IL7: variants seen among roughly 807,000 people sequenced by gnomAD.
IL7 encodes interleukin 7, also known as interleukin-7.
IL7 carries 3 observed loss-of-function variants against 21.6 expected under a neutral mutation model. That is an observed-to-expected ratio of 0.14 (90% confidence interval 0.06 to 0.36). The LOEUF is 0.36. IL7 is among the 10% of genes least tolerant of loss of function. IL7 has a pLI of 1.00. For synonymous variants in IL7, 62 were observed against 68.1 expected, an observed-to-expected ratio of 0.91 and a Z score of 0.44; for missense variants, 175 against 200.2, an observed-to-expected ratio of 0.87 and a Z score of 0.76.
intron 3 of IL7, among the ~76,000 whole-genome samples, chr8:78,704,536 C>CT (rs1810710183): frequency 1.3e-5 from 2 of 151,934 alleles, no homozygotes; most frequent in Admixed American, 1.3e-4. Flanking sequence ...AACATTTCTT[C>CT]TTTCATTTCA....
At chr8:78,715,646 TG>T (rs547972758), downstream of IL7, among the ~76,000 whole-genome samples, 44 of 152,122 alleles carry the variant, frequency 2.9e-4, no homozygotes, top group Non-Finnish European at 5.1e-4. Context: ...AAGACTTCAG[TG>T]GAGGAGGTAA....
At chr8:78,692,038 A>T (rs2130515138) in intron 3 of IL7, among the ~76,000 whole-genome samples, 1 of 152,316 alleles carries the variant, frequency 6.6e-6, no homozygotes, top group Admixed American at 6.5e-5. Flanking sequence ...TTTTTGTGGT[A>T]AGAACATTTG....
chr8:78,764,715 T>C (rs1186613500), intron 2 of IL7, among the ~76,000 whole-genome samples: 1 of 152,026 alleles, frequency 6.6e-6, no homozygotes, highest in Non-Finnish European at 1.5e-5. Context: ...TTCCAGGTCA[T>C]GGGTAGAAAG....
At chr8:78,706,987 T>A (rs1325074520) in intron 3 of IL7, among the ~76,000 whole-genome samples, 1 of 152,216 alleles carries the variant, frequency 6.6e-6, no homozygotes, top group African/African-American at 2.4e-5. Flanking sequence ...AGTTTATCAG[T>A]AGATCAGGTA....
chr8:78,783,282 A>G (rs1813401848), intron 2 of IL7, among the ~76,000 whole-genome samples: 1 of 152,196 alleles, frequency 6.6e-6, no homozygotes, highest in Non-Finnish European at 1.5e-5. Flanking sequence ...GCACCCATCC[A>G]CGGAAAAATA....
At chr8:78,703,340 T>C (rs1467412675) in intron 3 of IL7, among the ~76,000 whole-genome samples, 1 of 152,216 alleles carries the variant, frequency 6.6e-6, no homozygotes, top group Non-Finnish European at 1.5e-5. Flanking sequence ...GTTAATTATC[T>C]GTCTTGATAA....
chr8:78,749,527 A>G (rs532014311), intron 2 of IL7, among the ~76,000 whole-genome samples: 1 of 152,314 alleles, frequency 6.6e-6, no homozygotes, highest in East Asian at 1.9e-4. Flanking sequence ...AACTTACTGA[A>G]GCAGAGATCC....
chr8:78,698,050 T>G (rs914064729), intron 3 of IL7, among the ~76,000 whole-genome samples: 1 of 152,180 alleles, frequency 6.6e-6, no homozygotes, highest in Non-Finnish European at 1.5e-5. Flanking sequence ...CTGTTCAGAA[T>G]AGTCAGCCCA....
At chr8:78,778,168 C>A (rs1029987986) in intron 2 of IL7, among the ~76,000 whole-genome samples, 1 of 152,084 alleles carries the variant, frequency 6.6e-6, no homozygotes, top group Admixed American at 6.6e-5. Context: ...GTAAACTGGT[C>A]TTTTTTATAC....
chr8:78,762,352 C>A (rs1356103957), intron 2 of IL7: 39 of 1,612,526 alleles, frequency 2.4e-5, no homozygotes, highest in Non-Finnish European at 3.2e-5. Context: ...CAGGGTCCCG[C>A]GGGAAGCTGA....
chr8:78,803,972 T>TC (rs1814191101), intron 1 of IL7, among the ~76,000 whole-genome samples: 1 of 151,984 alleles, frequency 6.6e-6, no homozygotes, highest in Non-Finnish European at 1.5e-5. Flanking sequence ...TCCCGCACCC[T>TC]CCCCCCAGCT....
chr8:78,678,060 G>A (rs1809640385), intron 4 of IL7, among the ~76,000 whole-genome samples: 1 of 152,078 alleles, frequency 6.6e-6, no homozygotes, highest in African/African-American at 2.4e-5. Flanking sequence ...GGTCACTCTC[G>A]TCACCATTTT....
chr8:78,705,309 C>G (rs1810736037), intron 3 of IL7, among the ~76,000 whole-genome samples: 1 of 152,154 alleles, frequency 6.6e-6, no homozygotes, highest in South Asian at 2.1e-4. Context: ...TTTTTTTGAA[C>G]AACTCTGGCT....
intron 2 of IL7, among the ~76,000 whole-genome samples, chr8:78,766,124 G>A (rs1489575633): frequency 6.6e-6 from 1 of 152,080 alleles, no homozygotes; most frequent in Admixed American, 6.6e-5. Flanking sequence ...TCTGGAAAAG[G>A]TAAAACTAGA....
At chr8:78,798,051 T>C in intron 2 of IL7, 21 bp downstream of exon 2, 1 of 1,574,542 alleles carries the variant, frequency 6.4e-7, no homozygotes, top group Non-Finnish European at 8.7e-7. Context: ...AAAATGTGAG[T>C]AAAACAAAAT....
At chr8:78,760,948 T>C in intron 2 of IL7, 5 of 1,561,176 alleles carry the variant, frequency 3.2e-6, no homozygotes, top group South Asian at 1.2e-5. Context: ...CAAAGGCTCT[T>C]GTAAAAGATA....
chr8:78,780,068 G>A (rs1813277277), intron 2 of IL7, among the ~76,000 whole-genome samples: 1 of 152,038 alleles, frequency 6.6e-6, no homozygotes, highest in Non-Finnish European at 1.5e-5. Context: ...TATTTCTGTG[G>A]GGTCAGTGAT....
chr8:78,797,038 G>T (rs1334148664), intron 2 of IL7, among the ~76,000 whole-genome samples: 1 of 151,802 alleles, frequency 6.6e-6, no homozygotes, highest in African/African-American at 2.4e-5. Flanking sequence ...AACAAGTTGT[G>T]GTATATCCAT....
intron 1 of IL7, among the ~76,000 whole-genome samples, chr8:78,804,533 G>C (rs1814234861): frequency 6.6e-6 from 1 of 152,218 alleles, no homozygotes; most frequent in Non-Finnish European, 1.5e-5. Flanking sequence ...GGCCGCCTGC[G>C]TGAGTAACTT....
Sources: allele counts gnomAD v4.1 joint callset (sites outside exome capture counted in the v4.1 genomes callset), GRCh38; gene constraint gnomAD v4.1.1; transcripts MANE v1.5; gene names NCBI Gene and HGNC (gene_info 2026-07-23, HGNC 2026-07-21).